SPC25: variants seen among roughly 807,000 people sequenced by gnomAD.
SPC25 encodes the protein kinetochore protein Spc25.
A neutral mutation model predicts 29.6 loss-of-function variants in SPC25; 22 were observed. That is an observed-to-expected ratio of 0.74 (90% CI 0.53 to 1.06). SPC25 has a LOEUF of 1.06. SPC25 is among the 50% of genes least tolerant of loss of function. SPC25 has a pLI of 0.00. For synonymous variants in SPC25, 91 were observed against 90.4 expected (o/e 1.01, Z -0.04); for missense variants, 230 against 255.8 (o/e 0.90, Z 0.69).
At chr2:168,888,815 C>A (rs1690318232) in intron 3 of SPC25, among the ~76,000 whole-genome samples, 1 of 146,284 alleles carries the variant, frequency 6.8e-6, no homozygotes, top group African/African-American at 2.5e-5. Flanking sequence ...TTTGTAGAGA[C>A]AGGGTTTCAC....
rs1383786508 is a variant in SPC25 at position 168,889,455 on chromosome 2, C to A, written c.65G>T (p.Ser22Ile). ...SINEFWNKFK[S>I]TDTSCQMAGL... ...CGCCATCTGACAGGAGGTGTCCGTA[C>A]TTTTGAATTTATTCCAAAATTCATT... The change falls in exon 2 of 7, where the codon AGT becomes ATT. Residue 22 changes from serine to isoleucine, a missense_variant. Ser to Ile is a moderately radical substitution (Grantham distance 142). Transcript: ENST00000282074. 4 of 1,614,106 alleles carry A rather than the reference C, an allele frequency of 2.5e-6. No homozygotes were observed. The highest frequency in any genetic ancestry group is 1.7e-5 in the Admixed American group (1 of 60,004).
intron 3 of SPC25, among the ~76,000 whole-genome samples, chr2:168,888,955 G>A (rs189867869): frequency 0.11 from 6,367 of 59,172 alleles, 527 homozygotes; most frequent in East Asian, 0.32. Context: ...GTGTGTGTGT[G>A]TGTATATATA....
rs1559153603 is a variant in SPC25, at chr2:168,873,673, C to T, written c.462G>A (p.Leu154=). The T allele has an allele frequency of 1.2e-6, 2 of 1,607,482 alleles. No homozygotes were observed. Among genetic ancestry groups the T allele is most frequent in the Non-Finnish European group, 8.5e-7 (1 of 1,174,854 alleles). Reference sequence around the variant, plus strand: ...GGTCAATATTAGTGAAAATAAACTGCAATTTCTCACCTGAAAAGAGATTAA... The same window carrying T: ...GGTCAATATTAGTGAAAATAAACTGTAATTTCTCACCTGAAAAGAGATTAA... ...LEIRKIYGEK[L]QFIFTNIDPK... Residue 154 remains leucine, a synonymous_variant, in exon 6 of 7, where the codon TTG becomes TTA. Transcript: ENST00000282074.
intron 3 of SPC25, among the ~76,000 whole-genome samples, chr2:168,888,504 A>C (rs951319050): frequency 6.6e-6 from 1 of 151,306 alleles, no homozygotes; most frequent in Admixed American, 6.6e-5. Context: ...GCAGTGAGCC[A>C]AGATCGCGCC....
rs1434751181 is a variant in SPC25 at position 168,877,315 on chromosome 2, T to C, written c.269A>G (p.Lys90Arg). The part of the protein sequence containing the change: ...DNLLKLIAEV[K>R]GKKQELEVLT... ...TACTTCCAATTCCTGCTTTTTGCCT[T>C]TTACTTCAGCAATCAATTTTAACAA... The change falls in exon 4 of 7, where the codon AAA becomes AGA. Residue 90 changes from lysine (K) to arginine (R), a missense_variant. Physicochemically the swap from Lys to Arg is conservative, Grantham distance 26 (BLOSUM62 2). Coordinates refer to ENST00000282074, the MANE Select transcript of SPC25 (RefSeq NM_020675.4). The C allele has an allele frequency of 6.2e-7, 1 of 1,613,770 alleles. No individual in the cohort carries two copies. Among genetic ancestry groups the C allele is most frequent in the East Asian group, 2.2e-5 (1 of 44,852 alleles).
downstream of SPC25, among the ~76,000 whole-genome samples, chr2:168,866,759 C>T (rs11686258): frequency 0.012 from 1,525 of 129,018 alleles, 28 homozygotes; most frequent in African/African-American, 0.038. Context: ...GAATCTACAA[C>T]GAACTCAAAC....
chr2:168,889,336 A>C (rs775560084), intron 2 of SPC25, 45 bp from the exon 3 acceptor site: 1 of 1,613,426 alleles, frequency 6.2e-7, no homozygotes, highest in Admixed American at 1.7e-5. Flanking sequence ...ATAACACTAA[A>C]AAATAAACTA....
At chr2:168,866,942 A>G (rs892771660), downstream of SPC25, among the ~76,000 whole-genome samples, 2 of 152,228 alleles carry the variant, frequency 1.3e-5, no homozygotes, top group Non-Finnish European at 2.9e-5. Context: ...CACACCAGTT[A>G]GAACGGCAAT....
chr2:168,888,416 G>A (rs1034046201), intron 3 of SPC25, among the ~76,000 whole-genome samples: 9 of 152,100 alleles, frequency 5.9e-5, no homozygotes, highest in African/African-American at 9.7e-5. Context: ...TTAGCCAGGC[G>A]TGGTTGCAGG....
downstream of SPC25, among the ~76,000 whole-genome samples, chr2:168,868,911 A>G (rs991661409): frequency 2.0e-5 from 3 of 152,152 alleles, no homozygotes; most frequent in African/African-American, 7.2e-5. Flanking sequence ...AAAAAAAGAG[A>G]ATTTTAGACC....
intron 6 of SPC25, among the ~76,000 whole-genome samples, chr2:168,871,827 C>G (rs567652894): frequency 2.6e-5 from 4 of 152,168 alleles, no homozygotes; most frequent in South Asian, 2.1e-4. Flanking sequence ...TTTAGTGACA[C>G]AGAATGACCC....
chr2:168,871,300 C>T lies in SPC25; in HGVS notation c.*131G>A, dbSNP rs1244652473. ...AGCACACCAATATGGCACATGTATA[C>T]ATATGTAACAAACCTGCACATTGTG... On this transcript the variant is annotated 3_prime_UTR_variant, in exon 7 of 7. Coordinates refer to ENST00000282074, the MANE Select transcript of SPC25 (RefSeq NM_020675.4). The T allele has an allele frequency of 1.2e-6, 1 of 812,610 alleles. No individual in the cohort carries two copies. Among genetic ancestry groups the T allele is most frequent in the African/African-American group, 1.8e-5 (1 of 56,056 alleles). The allele number at this position is 812,610 out of a possible 1,614,324, so 50.3% of individuals were successfully genotyped here. A position where few individuals can be genotyped will look rare whatever the true frequency, so the allele number is the denominator to read the frequency against.
chr2:168,873,919 T>C (rs1220660512), intron 5 of SPC25, among the ~76,000 whole-genome samples: 1 of 152,174 alleles, frequency 6.6e-6, no homozygotes, highest in Non-Finnish European at 1.5e-5. Context: ...TAAAAACTTT[T>C]GTCCTTCAAA....
At chr2:168,865,165 C>T (rs1346123915) in intron 4 of SPC25, 2 of 611,026 alleles carry the variant, frequency 3.3e-6, no homozygotes, top group Non-Finnish European at 5.5e-6. Flanking sequence ...TGGAGACAGA[C>T]AAGGAAGAGG....
downstream of SPC25, among the ~76,000 whole-genome samples, chr2:168,869,175 C>G (rs1689931231): frequency 6.6e-6 from 1 of 152,138 alleles, no homozygotes; most frequent in South Asian, 2.1e-4. Context: ...GCTAAAAACT[C>G]TCAATAAATT....
chr2:168,884,113 T>C (rs1217612444), intron 3 of SPC25, among the ~76,000 whole-genome samples: 1 of 152,148 alleles, frequency 6.6e-6, no homozygotes, highest in Non-Finnish European at 1.5e-5. Context: ...GGCTGTCTTA[T>C]TCCCAGGACC....
intron 3 of SPC25, among the ~76,000 whole-genome samples, chr2:168,887,431 A>AAAAAAAAAAAAAAAAG (rs1559157968): frequency 7.5e-6 from 1 of 133,462 alleles, no homozygotes; most frequent in African/African-American, 3.2e-5. Flanking sequence ...CAAAAAAAAA[A>AAAAAAAAAAAAAAAAG]AAAGAAAGAA....
chr2:168,880,463 AC>A (rs568644349), intron 3 of SPC25, among the ~76,000 whole-genome samples: 193 of 152,310 alleles, frequency 1.3e-3, no homozygotes, highest in Non-Finnish European at 1.5e-3. Flanking sequence ...CTAGAGTCTT[AC>A]CCTGAATTAG....
intron 6 of SPC25, among the ~76,000 whole-genome samples, chr2:168,873,207 T>C (rs1021151739): frequency 6.6e-6 from 1 of 152,196 alleles, no homozygotes; most frequent in African/African-American, 2.4e-5. Context: ...CATTTGATTT[T>C]AAAATCATCT....
Sources: gnomAD v4.1 joint callset for allele counts (sites outside exome capture counted in the v4.1 genomes callset) on GRCh38, gnomAD v4.1.1 for gene constraint, MANE v1.5 for transcripts, NCBI Gene and HGNC (gene_info 2026-07-23, HGNC 2026-07-21) for gene names.